ULK4: variants seen among roughly 807,000 people sequenced by gnomAD.
ULK4 encodes the protein inactive serine/threonine-protein kinase ULK4.
ULK4 carries 133 observed loss-of-function variants against 160.6 expected under a neutral mutation model. The ratio of observed to expected loss-of-function variants is 0.83; its 90% CI spans 0.72 to 0.96. The LOEUF is 0.96. Ranked by LOEUF, ULK4 falls within the 40% of genes least tolerant of loss-of-function variation. The pLI, the probability that ULK4 is intolerant of heterozygous loss-of-function variation, is 0.00. For missense variants in ULK4, 1,580 were observed against 1,499.5 expected (o/e 1.05, Z -0.89); for synonymous variants, 534 against 539.8 (o/e 0.99, Z 0.15).
chr3:41,424,641 G>C (rs970436211), intron 34 of ULK4, among the ~76,000 whole-genome samples: 1 of 152,164 alleles, frequency 6.6e-6, no homozygotes, highest in South Asian at 2.1e-4. Flanking sequence ...AGGCAAATAG[G>C]GTCTGGAGTG....
At chr3:41,371,791 G>A (rs969135918) in intron 35 of ULK4, among the ~76,000 whole-genome samples, 3 of 151,990 alleles carry the variant, frequency 2.0e-5, no homozygotes, top group East Asian at 3.9e-4. Flanking sequence ...GATGGAGAAC[G>A]AGTTTGATGA....
At chr3:41,545,924 T>G (rs1008441089) in intron 32 of ULK4, among the ~76,000 whole-genome samples, 1 of 152,182 alleles carries the variant, frequency 6.6e-6, no homozygotes, top group Non-Finnish European at 1.5e-5. Context: ...AACTTTGCAG[T>G]TTAAGACTTT....
intron 2 of ULK4, among the ~76,000 whole-genome samples, chr3:41,946,240 AAC>A (rs1195066358): frequency 1.3e-5 from 2 of 152,238 alleles, no homozygotes; most frequent in Non-Finnish European, 2.9e-5. Flanking sequence ...TACTTGCAAT[AAC>A]ACAGGTGAAT....
intron 32 of ULK4, among the ~76,000 whole-genome samples, chr3:41,468,852 G>A (rs1398660807): frequency 6.6e-6 from 1 of 152,104 alleles, no homozygotes; most frequent in Non-Finnish European, 1.5e-5. Flanking sequence ...GGGAACACAA[G>A]GGAAAATGCT....
At chr3:41,494,539 T>C (rs2084915160) in intron 32 of ULK4, among the ~76,000 whole-genome samples, 1 of 151,498 alleles carries the variant, frequency 6.6e-6, no homozygotes, top group Non-Finnish European at 1.5e-5. Flanking sequence ...ATGCCCTCTC[T>C]CACCACTCCT....
chr3:41,404,999 A>G (rs1451998525), intron 34 of ULK4, among the ~76,000 whole-genome samples: 1 of 152,182 alleles, frequency 6.6e-6, no homozygotes, highest in African/African-American at 2.4e-5. Flanking sequence ...TTTTAGATTC[A>G]GGGGTTATAT....
chr3:41,822,202 C>A (rs2041168575), intron 18 of ULK4, among the ~76,000 whole-genome samples: 1 of 149,580 alleles, frequency 6.7e-6, no homozygotes, highest in Non-Finnish European at 1.5e-5. Flanking sequence ...CATGTCCCTG[C>A]CAGTCTCTCC....
intron 35 of ULK4, among the ~76,000 whole-genome samples, chr3:41,317,063 A>ATTTTTTCTT (rs2080157169): frequency 1.1e-5 from 1 of 94,522 alleles, no homozygotes; most frequent in African/African-American, 4.3e-5. Context: ...AATTACATCT[A>ATTTTTTCTT]TTTTTTTTTT....
At chr3:41,629,364 T>C (rs532427878) in intron 30 of ULK4, among the ~76,000 whole-genome samples, 3 of 152,298 alleles carry the variant, frequency 2.0e-5, no homozygotes, top group Admixed American at 6.5e-5. Context: ...CATCTATCTA[T>C]AGCTGCATTC....
At chr3:41,848,713 G>C (rs1284899187) in intron 17 of ULK4, among the ~76,000 whole-genome samples, 1 of 152,194 alleles carries the variant, frequency 6.6e-6, no homozygotes, top group Non-Finnish European at 1.5e-5. Context: ...AGAGAGTCCA[G>C]GTCCAGAAAC....
intron 21 of ULK4, among the ~76,000 whole-genome samples, chr3:41,769,525 A>G (rs1405291825): frequency 1.3e-5 from 2 of 152,246 alleles, no homozygotes. Flanking sequence ...CTGTGCAGAA[A>G]AAGAGCAGAA....
At chr3:41,507,152 T>C (rs568673257) in intron 32 of ULK4, among the ~76,000 whole-genome samples, 241 of 114,240 alleles carry the variant, frequency 2.1e-3, no homozygotes, top group Middle Eastern at 5.2e-3. Flanking sequence ...AAAAATAGAA[T>C]TATACATAAT....
At chr3:41,484,231 T>A (rs2084426956) in intron 32 of ULK4, among the ~76,000 whole-genome samples, 1 of 152,198 alleles carries the variant, frequency 6.6e-6, no homozygotes, top group African/African-American at 2.4e-5. Flanking sequence ...ATAGGATGTC[T>A]CCAATATCTA....
At position 41,916,046 on chromosome 3, in the gene ULK4, G is replaced by C; in HGVS notation, c.734C>G (p.Ser245Cys). The change falls in exon 8 of 37, where the codon TCT (serine) becomes TGT (cysteine). Residue 245 changes from serine to cysteine, a missense_variant. Ser to Cys is a moderately radical substitution (Grantham distance 112). Transcript: ENST00000301831. ...AAAATCTGAAGAAGCTTTAGGACGA[G>C]AAGAATCTATAAATGAATTAATTTC... ...DPLPPIPKDS[S>C]RPKASSDFIN... 1 of 1,575,848 alleles carries C rather than the reference G, an allele frequency of 6.3e-7. No homozygotes were observed. The highest frequency in any genetic ancestry group is 8.6e-7 in the Non-Finnish European group (1 of 1,166,550).
chr3:41,663,553 T>C (rs368414855), intron 30 of ULK4, 54 bp downstream of exon 30: 20 of 1,481,308 alleles, frequency 1.4e-5, no homozygotes, highest in African/African-American at 8.3e-5. Context: ...TCACAACACA[T>C]AAAATTCATT....
At chr3:41,544,010 A>C (rs9845439) in intron 32 of ULK4, among the ~76,000 whole-genome samples, 1 of 151,960 alleles carries the variant, frequency 6.6e-6, no homozygotes, top group African/African-American at 2.4e-5. Context: ...CTGCCTAGTA[A>C]ATCCAACATA....
rs377018599 is a variant in ULK4, at chr3:41,441,607, C to T, written c.3492+13890G>A. 5.9e-5 allele frequency among the ~76,000 whole-genome samples: 9 copies of T among 151,950 alleles called. 1 individual carries two copies. The highest frequency in any genetic ancestry group is 1.9e-4 in the East Asian group (1 of 5,168). On this transcript the variant is annotated intron_variant, in intron 34 of 36. Transcript: ENST00000301831. ...TTCTTAAGTTTGAGGCTTGTTTTAT[C>T]GTGCAAAATATGGTATATCTTGGTA...
At chr3:41,508,137 G>C (rs566616015) in intron 32 of ULK4, among the ~76,000 whole-genome samples, 2 of 152,178 alleles carry the variant, frequency 1.3e-5, no homozygotes, top group Admixed American at 6.5e-5. Context: ...GGCTGCATGA[G>C]AGTAGGGTGA....
At chr3:41,285,836 T>C (rs2079447301) in intron 35 of ULK4, among the ~76,000 whole-genome samples, 1 of 152,214 alleles carries the variant, frequency 6.6e-6, no homozygotes. Context: ...AGAAAACAAG[T>C]TGCAGTATGC....
Sources: gnomAD v4.1 joint callset for allele counts (sites outside exome capture counted in the v4.1 genomes callset) on GRCh38, gnomAD v4.1.1 for gene constraint, MANE v1.5 for transcripts, NCBI Gene and HGNC (gene_info 2026-07-23, HGNC 2026-07-21) for gene names.